ST7: variants seen among roughly 807,000 people sequenced by gnomAD.
ST7 encodes the protein suppression of tumorigenicity 7.
Under a neutral mutation model 78.7 loss-of-function variants are expected in ST7, and 28 were observed. That is an observed-to-expected ratio of 0.36 (90% CI 0.26 to 0.49). ST7 has a LOEUF of 0.49. Among genes scored for constraint, ST7 ranks in the 20% least tolerant of loss-of-function variants. ST7 has a pLI of 0.99. For synonymous variants in ST7, 247 were observed against 249.6 expected, an observed-to-expected ratio of 0.99 and a Z score of 0.10; for missense variants, 418 against 696.0, an observed-to-expected ratio of 0.60 and a Z score of 4.49.
At chr7:116,997,542 G>A (rs1474688342) in intron 1 of ST7, among the ~76,000 whole-genome samples, 2 of 151,864 alleles carry the variant, frequency 1.3e-5, no homozygotes, top group Admixed American at 6.6e-5. Flanking sequence ...TGATTGGTGT[G>A]TTTACAAACC....
At chr7:117,014,848 C>A in intron 1 of ST7, 1 of 479,306 alleles carries the variant, frequency 2.1e-6, no homozygotes, top group African/African-American at 2.0e-5. Context: ...CCAGCCGTTG[C>A]CGCTTGAGAG....
chr7:116,980,161 G>A (rs1239763721), intron 1 of ST7, among the ~76,000 whole-genome samples: 1 of 151,866 alleles, frequency 6.6e-6, no homozygotes. Flanking sequence ...GTTTCGCCAT[G>A]TTGGCCAGGC....
chr7:116,979,832 A>G (rs529740937), intron 1 of ST7, among the ~76,000 whole-genome samples: 1 of 152,020 alleles, frequency 6.6e-6, no homozygotes, highest in South Asian at 2.1e-4. Context: ...GCGCCACTGC[A>G]TGTTTCTGGC....
At chr7:117,095,401 G>A (rs1308254249) in intron 1 of ST7, among the ~76,000 whole-genome samples, 5 of 152,160 alleles carry the variant, frequency 3.3e-5, no homozygotes, top group African/African-American at 1.2e-4. Flanking sequence ...GTGATCCATA[G>A]AGGTAATTTA....
intron 1 of ST7, among the ~76,000 whole-genome samples, chr7:116,989,237 T>C (rs1794319505): frequency 6.6e-6 from 1 of 152,200 alleles, no homozygotes. Flanking sequence ...TTCTAGCACA[T>C]CTTCCCTTGC....
chr7:117,207,572 C>G (rs1489557477), intron 12 of ST7, among the ~76,000 whole-genome samples: 1 of 152,150 alleles, frequency 6.6e-6, no homozygotes, highest in Admixed American at 6.5e-5. Context: ...AATGTGAAAG[C>G]CTTTTCTAAT....
chr7:117,030,202 G>A (rs1331786150), intron 1 of ST7, among the ~76,000 whole-genome samples: 1 of 152,126 alleles, frequency 6.6e-6, no homozygotes, highest in Non-Finnish European at 1.5e-5. Context: ...TCACAATGGT[G>A]AAACCAGTTA....
intron 2 of ST7, among the ~76,000 whole-genome samples, chr7:117,117,538 TCTATTGAGGGC>T (rs1802985666): frequency 6.6e-6 from 1 of 152,108 alleles, no homozygotes; most frequent in South Asian, 2.1e-4. Flanking sequence ...AAGCCATGAA[TCTATTGAGGGC>T]CTTGTTGAGT....
intron 1 of ST7, among the ~76,000 whole-genome samples, chr7:116,964,460 G>A (rs1793000973): frequency 6.6e-6 from 1 of 152,166 alleles, no homozygotes; most frequent in Non-Finnish European, 1.5e-5. Flanking sequence ...GATTTGTATA[G>A]TGTTACATAA....
intron 1 of ST7, among the ~76,000 whole-genome samples, chr7:117,066,209 C>CT (rs1385529381): frequency 6.6e-6 from 1 of 152,112 alleles, no homozygotes; most frequent in Non-Finnish European, 1.5e-5. Flanking sequence ...GCCTTTAAAC[C>CT]TTATTTGTAG....
chr7:117,063,502 A>G (rs775774994), intron 1 of ST7, among the ~76,000 whole-genome samples: 5 of 152,162 alleles, frequency 3.3e-5, no homozygotes, highest in African/African-American at 1.2e-4. Context: ...TGAGTCCAGG[A>G]GTTCAAGACG....
At chr7:117,177,144 C>T (rs1228658629) in intron 10 of ST7, among the ~76,000 whole-genome samples, 1 of 152,170 alleles carries the variant, frequency 6.6e-6, no homozygotes, top group Non-Finnish European at 1.5e-5. Context: ...GGATGCTCTA[C>T]AGATTTGGAC....
chr7:116,971,443 G>T (rs1451321647), intron 1 of ST7, among the ~76,000 whole-genome samples: 2 of 152,040 alleles, frequency 1.3e-5, no homozygotes, highest in East Asian at 3.9e-4. Flanking sequence ...TCTGTAAGCA[G>T]TTGGGAGGGG....
chr7:117,073,610 CT>C (rs1295670339), intron 1 of ST7, among the ~76,000 whole-genome samples: 6 of 152,168 alleles, frequency 3.9e-5, no homozygotes, highest in African/African-American at 1.4e-4. Flanking sequence ...GGGTTTAACT[CT>C]TTCTTCTACT....
intron 13 of ST7, among the ~76,000 whole-genome samples, chr7:117,215,315 A>G (rs564110623): frequency 3.9e-5 from 6 of 152,196 alleles, no homozygotes; most frequent in African/African-American, 1.4e-4. Context: ...AGGACATGAA[A>G]TTTGCGATTT....
chr7:117,050,942 A>G (rs1016280250), intron 1 of ST7, among the ~76,000 whole-genome samples: 4 of 152,036 alleles, frequency 2.6e-5, no homozygotes, highest in African/African-American at 7.2e-5. Context: ...AAAAAAAAAA[A>G]AAAGAAAAGA....
chr7:117,221,720 G>C (rs866921648), intron 14 of ST7, among the ~76,000 whole-genome samples: 15 of 152,282 alleles, frequency 9.9e-5, no homozygotes, highest in Admixed American at 6.5e-4. Context: ...AGTGCTGAAG[G>C]CTGGATGGAG....
chr7:117,135,981 A>C, intron 7 of ST7, 100 bp from the exon 8 acceptor site: 1 of 1,311,224 alleles, frequency 7.6e-7, no homozygotes, highest in Non-Finnish European at 1.1e-6. Flanking sequence ...GCCACTCTGC[A>C]TGTTTTGGCG....
chr7:116,989,456 C>T (rs1175887948), intron 1 of ST7, among the ~76,000 whole-genome samples: 1 of 151,924 alleles, frequency 6.6e-6, no homozygotes, highest in African/African-American at 2.4e-5. Flanking sequence ...CTGTTACCCC[C>T]TCTCTTTTAA....
Sources: gnomAD v4.1 joint callset for allele counts (sites outside exome capture counted in the v4.1 genomes callset) on GRCh38, gnomAD v4.1.1 for gene constraint, MANE v1.5 for transcripts, NCBI Gene and HGNC (gene_info 2026-07-23, HGNC 2026-07-21) for gene names.